Variants in GABRG3 observed in about 807,000 individuals in gnomAD.
The protein encoded by GABRG3 is gamma-aminobutyric acid receptor subunit gamma-3.
In GABRG3, 25 loss-of-function variants were observed where a neutral mutation model predicts 48.8. The observed-to-expected ratio is 0.51, with a 90% CI of 0.37 to 0.72. GABRG3 has a LOEUF of 0.72. Ranked by LOEUF, GABRG3 falls within the 30% of genes least tolerant of loss-of-function variation. GABRG3 has a pLI of 0.00. For missense variants in GABRG3, 394 were observed against 577.9 expected (o/e 0.68, Z 3.26); for synonymous variants, 227 against 217.6 (o/e 1.04, Z -0.38).
intron 3 of GABRG3, among the ~76,000 whole-genome samples, chr15:27,305,532 C>G (rs1463688439): frequency 7.0e-6 from 1 of 142,400 alleles, no homozygotes; most frequent in African/African-American, 2.6e-5. Flanking sequence ...ATAATATAAA[C>G]CTATGTTTAT....
chr15:27,043,816 G>T (rs1015162807), intron 3 of GABRG3, among the ~76,000 whole-genome samples: 1 of 152,214 alleles, frequency 6.6e-6, no homozygotes, highest in African/African-American at 2.4e-5. Flanking sequence ...AGCTTAGCTG[G>T]CTCCTCCGCT....
intron 3 of GABRG3, among the ~76,000 whole-genome samples, chr15:27,197,415 C>T (rs1446418238): frequency 6.6e-6 from 1 of 151,860 alleles, no homozygotes; most frequent in Non-Finnish European, 1.5e-5. Context: ...TTTGAGAATA[C>T]TAATGGCACT....
At chr15:27,364,331 A>G (rs28587169) in intron 5 of GABRG3, 39,298 of 152,448 alleles carry the variant, frequency 0.26, 5,371 homozygotes, top group Middle Eastern at 0.33. Context: ...CTGGGCATTA[A>G]TAGGACCCCG....
intron 5 of GABRG3, among the ~76,000 whole-genome samples, chr15:27,462,160 G>A (rs1889469995): frequency 6.6e-6 from 1 of 151,938 alleles, no homozygotes; most frequent in South Asian, 2.1e-4. Flanking sequence ...GTCTTATAGG[G>A]AATTTTTGGA....
intron 3 of GABRG3, among the ~76,000 whole-genome samples, chr15:27,196,174 T>G (rs533597774): frequency 2.0e-5 from 3 of 152,272 alleles, no homozygotes; most frequent in African/African-American, 7.2e-5. Flanking sequence ...TTCAGCTCCA[T>G]CCTAGCCCTG....
chr15:27,113,168 A>G (rs1897583573), intron 3 of GABRG3, among the ~76,000 whole-genome samples: 1 of 151,482 alleles, frequency 6.6e-6, no homozygotes, highest in African/African-American at 2.4e-5. Context: ...TTTTTCCAAC[A>G]GTTATTTTTT....
intron 6 of GABRG3, among the ~76,000 whole-genome samples, chr15:27,491,444 TC>T (rs1890352927): frequency 6.6e-6 from 1 of 152,206 alleles, no homozygotes; most frequent in Non-Finnish European, 1.5e-5. Flanking sequence ...ACATCTTTCT[TC>T]CTGTCCGTAG....
At chr15:27,105,857 A>G (rs1897440619) in intron 3 of GABRG3, among the ~76,000 whole-genome samples, 1 of 152,154 alleles carries the variant, frequency 6.6e-6, no homozygotes, top group South Asian at 2.1e-4. Context: ...CACAATAGCC[A>G]AGATATGGAA....
chr15:27,371,516 T>C (rs1468786619), intron 5 of GABRG3, among the ~76,000 whole-genome samples: 1 of 152,202 alleles, frequency 6.6e-6, no homozygotes, highest in Non-Finnish European at 1.5e-5. Flanking sequence ...TTTGTGGTAT[T>C]GAAGGTGGCC....
In GABRG3 at chr15:27,166,079, G is replaced by A. The variant is rs542400826; in HGVS notation, c.270+139258G>A. ...CTCTGATTACGTCTTTAGGCAATGCGAAGCTTGCAGAATGAGATTCACATT... is the reference window on the plus strand; with the variant it reads ...CTCTGATTACGTCTTTAGGCAATGCAAAGCTTGCAGAATGAGATTCACATT... On this transcript the variant is annotated intron_variant, in intron 3 of 9. Coordinates refer to ENST00000615808, the MANE Select transcript of GABRG3 (RefSeq NM_033223.5). Among the ~76,000 whole-genome samples, 76 of 152,278 alleles carry A rather than the reference G, an allele frequency of 5.0e-4. 1 individual carries two copies. The South Asian group carries it at 6.8e-3, about 14-fold the overall frequency.
chr15:27,348,467 T>G (rs543148628), intron 5 of GABRG3, among the ~76,000 whole-genome samples: 2 of 152,322 alleles, frequency 1.3e-5, no homozygotes, highest in South Asian at 4.1e-4. Context: ...CAACCCACTG[T>G]GATAGGATTA....
intron 3 of GABRG3, among the ~76,000 whole-genome samples, chr15:27,090,984 A>G (rs533918418): frequency 6.6e-6 from 1 of 152,260 alleles, no homozygotes; most frequent in African/African-American, 2.4e-5. Context: ...TACTATTTGG[A>G]TGCCTTTTAC....
intron 5 of GABRG3, among the ~76,000 whole-genome samples, chr15:27,388,830 GGAA>G (rs1176899189): frequency 3.3e-5 from 5 of 152,048 alleles, no homozygotes; most frequent in Non-Finnish European, 5.9e-5. Context: ...AAGACCCCAT[GGAA>G]GAAGAAGAGC....
chr15:27,035,977 G>C (rs1226271959), intron 3 of GABRG3, among the ~76,000 whole-genome samples: 1 of 152,194 alleles, frequency 6.6e-6, no homozygotes, highest in African/African-American at 2.4e-5. Flanking sequence ...GAGAAGTCAA[G>C]GGTGACTCAC....
chr15:27,079,765 C>T (rs1391859344), intron 3 of GABRG3, among the ~76,000 whole-genome samples: 4 of 152,148 alleles, frequency 2.6e-5, no homozygotes, highest in African/African-American at 9.7e-5. Flanking sequence ...CCAACACTGT[C>T]CCAAAACAGC....
intron 3 of GABRG3, among the ~76,000 whole-genome samples, chr15:27,197,469 ATT>A (rs36104116): frequency 0.36 from 52,074 of 143,184 alleles, 9,176 homozygotes; most frequent in South Asian, 0.54. Context: ...TTTAACGGCT[ATT>A]TTTTTTTTTT....
At chr15:27,293,195 G>T (rs978760126) in intron 3 of GABRG3, among the ~76,000 whole-genome samples, 4 of 152,196 alleles carry the variant, frequency 2.6e-5, no homozygotes, top group African/African-American at 9.6e-5. Context: ...GATGGTGGAT[G>T]AGTGTGAGAT....
chr15:27,492,578 G>A (rs1481232167), intron 6 of GABRG3, among the ~76,000 whole-genome samples: 4 of 152,298 alleles, frequency 2.6e-5, no homozygotes, highest in African/African-American at 9.6e-5. Flanking sequence ...TAACTAAGCT[G>A]GAGGCCCCAG....
intron 2 of GABRG3, among the ~76,000 whole-genome samples, chr15:27,010,346 G>A (rs1330954039): frequency 3.9e-5 from 6 of 152,206 alleles, no homozygotes; most frequent in Admixed American, 6.5e-5. Context: ...GCCACAGAAT[G>A]AACAGGGTGA....
Sources: allele counts gnomAD v4.1 joint callset (sites outside exome capture counted in the v4.1 genomes callset), GRCh38; gene constraint gnomAD v4.1.1; transcripts MANE v1.5; gene names NCBI Gene and HGNC (gene_info 2026-07-23, HGNC 2026-07-21).